Variants in JAKMIP3 observed in about 807,000 individuals in gnomAD.
JAKMIP3 encodes janus kinase and microtubule-interacting protein 3.
Under a neutral mutation model 118.5 loss-of-function variants are expected in JAKMIP3, and 58 were observed. The ratio of observed to expected loss-of-function variants is 0.49; its 90% CI spans 0.40 to 0.61. The LOEUF (loss-of-function observed/expected upper bound fraction) is 0.61, where lower values mean the gene tolerates loss of function less well. Among genes scored for constraint, JAKMIP3 ranks in the 20% least tolerant of loss-of-function variants. The probability of loss-of-function intolerance (pLI) is 0.00; values close to 1 mark genes in which losing one functional copy is unlikely to be tolerated. For synonymous variants in JAKMIP3, 486 were observed against 451.2 expected (o/e 1.08, Z -0.98); for missense variants, 950 against 1,109.0 (o/e 0.86, Z 2.04).
chr10:132,150,725 C>T (rs909178160), intron 16 of JAKMIP3, among the ~76,000 whole-genome samples: 1 of 152,104 alleles, frequency 6.6e-6, no homozygotes, highest in Non-Finnish European at 1.5e-5. Context: ...CTCCATAATC[C>T]ATCTATCCGT....
At chr10:132,075,269 T>A (rs767744460) in intron 1 of JAKMIP3, among the ~76,000 whole-genome samples, 4 of 152,304 alleles carry the variant, frequency 2.6e-5, no homozygotes, top group Non-Finnish European at 5.9e-5. Context: ...TGGATTATAC[T>A]TCTCTTTTAA....
In JAKMIP3 at chr10:132,168,677, G is replaced by T. The variant is rs993492133; in HGVS notation, c.*747G>T. On this transcript the variant is annotated 3_prime_UTR_variant, in exon 23 of 24. Transcript: ENST00000684848. ...GGAAGGCCAAGATCCCGCCCAAGCC[G>T]CCAGCTGGGAGCACCGCGGGACTGA... is the stretch of plus-strand genomic sequence containing the variant. The T allele has an allele frequency of 9.3e-6, 3 of 322,384 alleles. No homozygotes were observed. Among genetic ancestry groups the T allele is most frequent in the Non-Finnish European group, 1.8e-5 (3 of 166,604 alleles). 20.0% of individuals were successfully genotyped at this position (322,384 alleles called of 1,614,324 possible).
intron 16 of JAKMIP3, among the ~76,000 whole-genome samples, chr10:132,151,368 C>G (rs2056169506): frequency 6.6e-6 from 1 of 152,248 alleles, no homozygotes; most frequent in Non-Finnish European, 1.5e-5. Flanking sequence ...CAGTGCTCTG[C>G]ATCCGAGGAC....
In JAKMIP3 at chr10:132,117,589, AGGGGCGGGCGTGGGCGAGGGTGC is replaced by A; in HGVS notation, c.633+16_633+38del. Reference sequence around the variant, plus strand: ...TCCGCAGGCTGGTACGTGGGCAGGCAGGGGCGGGCGTGGGCGAGGGTGCAGGGGCGGGCGTGGGCGAGGGTGCA... The same window carrying A: ...TCCGCAGGCTGGTACGTGGGCAGGCAAGGGGCGGGCGTGGGCGAGGGTGCA... On this transcript the variant is annotated intron_variant, in intron 3 of 23. Coordinates refer to ENST00000684848, the MANE Select transcript of JAKMIP3 (RefSeq NM_001323087.2). This position sits in a 1 kb window ranked among gnomAD's most constrained non-coding sequence, Gnocchi z 8.6. 3.6e-6 allele frequency: 3 copies of A among 835,160 alleles called. No homozygotes were observed. The highest frequency in any genetic ancestry group is 4.4e-4 in the Middle Eastern group (1 of 2,268). 51.7% of individuals were successfully genotyped at this position (835,160 alleles called of 1,614,324 possible). A position where few individuals can be genotyped will look rare whatever the true frequency, so the allele number is the denominator to read the frequency against.
At chr10:132,083,895 G>A (rs781647136) in intron 1 of JAKMIP3, among the ~76,000 whole-genome samples, 1 of 152,150 alleles carries the variant, frequency 6.6e-6, no homozygotes. Context: ...TGGTCTATGT[G>A]CCTGTTTTTA....
chr10:132,037,773 A>AG (rs1332579170), intron 1 of JAKMIP3, among the ~76,000 whole-genome samples: 12 of 152,200 alleles, frequency 7.9e-5, no homozygotes, highest in Admixed American at 7.8e-4. Flanking sequence ...CCCTTTCAGG[A>AG]GGAAGAGCCT....
In JAKMIP3 at chr10:132,181,336, T is replaced by C. The variant is rs139973672; in HGVS notation, c.*1104-1021T>C. On this transcript the variant is annotated intron_variant, in intron 23 of 23. Coordinates refer to ENST00000684848, the MANE Select transcript of JAKMIP3 (RefSeq NM_001323087.2). ...TGTGCCTAGTTCATACTCCAGGCAG[T>C]TGATCACATAATTCAGAGAGGCATT... is the stretch of plus-strand genomic sequence containing the variant. 447 of 152,334 alleles carry C rather than the reference T, an allele frequency of 2.9e-3. 6 individuals are homozygous for C. The highest frequency in any genetic ancestry group is 9.9e-3 in the African/African-American group (413 of 41,564). 9.4% of individuals were successfully genotyped at this position (152,334 alleles called of 1,614,324 possible). A position where few individuals can be genotyped will look rare whatever the true frequency, so the allele number is the denominator to read the frequency against.
At chr10:132,068,866 C>T (rs2039360281) in intron 1 of JAKMIP3, among the ~76,000 whole-genome samples, 1 of 152,140 alleles carries the variant, frequency 6.6e-6, no homozygotes, top group Non-Finnish European at 1.5e-5. Context: ...GGGAAACCCT[C>T]TCCTTGGCAC....
At chr10:132,149,553 AT>A in intron 15 of JAKMIP3, 43 bp downstream of exon 15, 1 of 557,794 alleles carries the variant, frequency 1.8e-6, no homozygotes, top group Non-Finnish European at 2.4e-6. Context: ...CACCTCACCC[AT>A]CCCCCGCCCC....
intron 1 of JAKMIP3, among the ~76,000 whole-genome samples, chr10:132,076,711 G>A (rs1029312010): frequency 6.6e-6 from 1 of 151,174 alleles, no homozygotes; most frequent in African/African-American, 2.4e-5. Context: ...GGGTCTTACC[G>A]TGTGAGGACT....
At chr10:132,095,625 T>C (rs918839763) in intron 1 of JAKMIP3, among the ~76,000 whole-genome samples, 1 of 152,146 alleles carries the variant, frequency 6.6e-6, no homozygotes, top group Non-Finnish European at 1.5e-5. Flanking sequence ...TCTCTCGGCT[T>C]TCCCGATTTA....
At chr10:132,134,364 C>T (rs576487227) in intron 4 of JAKMIP3, among the ~76,000 whole-genome samples, 2 of 152,204 alleles carry the variant, frequency 1.3e-5, no homozygotes, top group Non-Finnish European at 2.9e-5. Flanking sequence ...ATTTTAAGAT[C>T]TCATTCAGAC....
At chr10:132,057,773 G>A (rs1197808116) in intron 1 of JAKMIP3, among the ~76,000 whole-genome samples, 1 of 152,198 alleles carries the variant, frequency 6.6e-6, no homozygotes, top group Non-Finnish European at 1.5e-5. Flanking sequence ...CAACCCCAGT[G>A]AGAGGGACGC....
At chr10:132,092,310 G>A (rs2043202323) in intron 1 of JAKMIP3, among the ~76,000 whole-genome samples, 1 of 152,074 alleles carries the variant, frequency 6.6e-6, no homozygotes, top group Non-Finnish European at 1.5e-5. Context: ...TTGAATGTTG[G>A]CCTGCCTTGC....
intron 3 of JAKMIP3, among the ~76,000 whole-genome samples, chr10:132,124,150 TGACCCAGCACTGGGGTGGG>T (rs1425820093): frequency 6.6e-6 from 1 of 152,242 alleles, no homozygotes; most frequent in Non-Finnish European, 1.5e-5. Context: ...GTGTCCACCA[TGACCCAGCACTGGGGTGGG>T]GGCCCAGCAG....
intron 1 of JAKMIP3, among the ~76,000 whole-genome samples, chr10:132,053,287 C>A (rs2038147814): frequency 1.3e-5 from 2 of 152,240 alleles, no homozygotes; most frequent in Admixed American, 1.3e-4. Flanking sequence ...CCTACCAAGG[C>A]AGGCTTCTCT....
rs142255201 is a variant in JAKMIP3 at position 132,098,160 on chromosome 10, C to A, written c.-137-6512C>A. ...AAGCGATCCTCCCGCCTCAGCCTCC[C>A]AGGGAGCTGGGACCACAGGTGCCCA... On this transcript the variant is annotated intron_variant, in intron 1 of 23. Transcript: ENST00000684848. Among the ~76,000 whole-genome samples, 730 of 151,878 alleles carry A rather than the reference C, an allele frequency of 4.8e-3. 9 individuals are homozygous for A. Among genetic ancestry groups the A allele is most frequent in the African/African-American group, 0.017 (699 of 41,418 alleles).
chr10:132,104,898 C>A lies in JAKMIP3; in HGVS notation c.90C>A (p.Ala30=). 2 of 1,585,944 alleles carry A rather than the reference C, an allele frequency of 1.3e-6. No homozygotes were observed. Among genetic ancestry groups the A allele is most frequent in the East Asian group, 2.3e-5 (1 of 43,158 alleles). The change falls in exon 2 of 24, where the codon GCC becomes GCA. Residue 30 remains alanine (A), a synonymous_variant. Coordinates refer to ENST00000684848, the MANE Select transcript of JAKMIP3 (RefSeq NM_001323087.2). ...ALQAANEDLR[A]KLTDIQIELQ... ...AGGCGGCCAACGAGGATCTTCGAGC[C>A]AAGCTCACAGACATCCAGATCGAGC... is the stretch of plus-strand genomic sequence containing the variant.
At chr10:132,133,185 A>C (rs1478056944) in intron 3 of JAKMIP3, 127 bp from the exon 4 acceptor site, 1 of 787,124 alleles carries the variant, frequency 1.3e-6, no homozygotes, top group Non-Finnish European at 2.1e-6. Flanking sequence ...TCCTGCTCTT[A>C]GTCCAGGATG....
Sources: gnomAD v4.1 joint callset for allele counts (sites outside exome capture counted in the v4.1 genomes callset) on GRCh38, gnomAD v4.1.1 for gene constraint, Gnocchi (gnomAD v3.1) non-coding constraint, MANE v1.5 for transcripts, NCBI Gene and HGNC (gene_info 2026-07-23, HGNC 2026-07-21) for gene names.